Variants in ZNF213 observed in about 807,000 individuals in gnomAD.
ZNF213 encodes zinc finger protein 213.
Under a neutral mutation model 46.0 loss-of-function variants are expected in ZNF213, and 32 were observed. The ratio of observed to expected loss-of-function variants is 0.70; its 90% confidence interval spans 0.52 to 0.93. The LOEUF (loss-of-function observed/expected upper bound fraction) is 0.93. Among genes scored for constraint, ZNF213 ranks in the 40% least tolerant of loss-of-function variants. The pLI, the probability that ZNF213 is intolerant of heterozygous loss-of-function variation, is 0.00. For missense variants in ZNF213, 639 were observed against 652.8 expected (o/e 0.98, Z 0.23); for synonymous variants, 297 against 271.0 (o/e 1.10, Z -0.94).
chr16:3,141,132 G>A lies in ZNF213; in HGVS notation c.1165G>A (p.Ala389Thr). 1 of 1,612,222 alleles carries A rather than the reference G, an allele frequency of 6.2e-7. No individual in the cohort carries two copies. The highest frequency in any genetic ancestry group is 8.5e-7 in the Non-Finnish European group (1 of 1,179,474). The change falls in exon 6 of 6, where the codon GCC becomes ACC. Residue 389 changes from alanine (A) to threonine (T), a missense_variant. Physicochemically the swap from Ala to Thr is moderately conservative, Grantham distance 58. Transcript: ENST00000396878. ...GKSFSRSAYL[A>T]DHQRIHTGEK... ...GAGCTTCAGCCGCAGCGCCTACCTGGCCGACCACCAGCGCATACACACGGG... is the reference window on the plus strand; with the variant it reads ...GAGCTTCAGCCGCAGCGCCTACCTGACCGACCACCAGCGCATACACACGGG...
intron 1 of ZNF213, among the ~76,000 whole-genome samples, chr16:3,136,443 C>T (rs892398166): frequency 2.0e-5 from 3 of 152,108 alleles, no homozygotes; most frequent in Non-Finnish European, 2.9e-5. Context: ...TTAGGCCGGG[C>T]GCAGTGGCTC....
At chr16:3,137,070 A>G (rs1355500206) in intron 1 of ZNF213, 96 bp from the exon 2 acceptor site, 8 of 588,606 alleles carry the variant, frequency 1.4e-5, no homozygotes, top group Non-Finnish European at 2.3e-5. Context: ...CTTCAGGGCC[A>G]TGAAAGGATG....
Position 3,141,802 on chromosome 16 carries a change from C to G in ZNF213, c.*455C>G, listed in dbSNP as rs1957607091. 1 of 164,644 alleles carries G rather than the reference C, an allele frequency of 6.1e-6. No homozygotes were observed. The highest frequency in any genetic ancestry group is 6.3e-5 in the Admixed American group (1 of 15,992). The allele number at this position is 164,644 out of a possible 1,614,324, so 10.2% of individuals were successfully genotyped here. ...AGTGGGCGTGGAGGACTGGCCTTGG[C>G]CCCCCAGGGGGCTGCTGGACTTTGG... On this transcript the variant is annotated 3_prime_UTR_variant, in exon 6 of 6. Coordinates refer to ENST00000396878, the MANE Select transcript of ZNF213 (RefSeq NM_004220.3).
chr16:3,137,677 C>G lies in ZNF213; in HGVS notation c.397C>G (p.Gln133Glu). 6.2e-7 allele frequency: 1 copy of G among 1,613,194 alleles called. No homozygotes were observed. Among genetic ancestry groups the G allele is most frequent in the Non-Finnish European group, 8.5e-7 (1 of 1,179,762 alleles). Residue 133 changes from glutamine (Q) to glutamate (E), a missense_variant and splice_region_variant, in exon 2 of 6, where the codon CAG (glutamine) becomes GAG (glutamate). Coordinates refer to ENST00000396878, the MANE Select transcript of ZNF213 (RefSeq NM_004220.3). ...LQKQPVKAWRQDVPSEEAEPE... is the reference protein window; with the variant it reads ...LQKQPVKAWREDVPSEEAEPE... ...GAAGCAGCCAGTGAAAGCCTGGCGA[C>G]AGGTGAGGGGCCCTTCCACATCCAG...
intron 5 of ZNF213, chr16:3,139,805 G>C (rs1054554727): frequency 4.0e-5 from 6 of 151,330 alleles, no homozygotes; most frequent in African/African-American, 1.5e-4. Context: ...ATGCAGTGGT[G>C]TGATCTCAGC....
Position 3,141,187 on chromosome 16 carries a change from G to T in ZNF213, c.1220G>T (p.Gly407Val). Residue 407 changes from glycine (G) to valine (V), a missense_variant, in exon 6 of 6, where the codon GGC (glycine) becomes GTC (valine). By Grantham distance (109) the Gly-to-Val change is moderately radical. Transcript: ENST00000396878. ...AAGCCTTTCGGCTGCAGCGACTGCG[G>T]CAAGAGCTTCTCGCTGCGCTCCTAC... is the stretch of plus-strand genomic sequence containing the variant. ...GEKPFGCSDC[G>V]KSFSLRSYLL... 6.2e-7 allele frequency: 1 copy of T among 1,612,442 alleles called. No homozygotes were observed.
At chr16:3,137,746 G>T (rs1394831281) in intron 2 of ZNF213, 67 bp downstream of exon 2, 2 of 1,547,988 alleles carry the variant, frequency 1.3e-6, no homozygotes, top group Non-Finnish European at 1.7e-6. Context: ...TGGGTAACCT[G>T]CAGAGATAAG....
chr16:3,138,663 G>T (rs1425532105), intron 3 of ZNF213, 82 bp from the exon 4 acceptor site: 1 of 1,610,090 alleles, frequency 6.2e-7, no homozygotes, highest in African/African-American at 1.3e-5. Flanking sequence ...GGGCGTGTGT[G>T]CATGCGCACA....
chr16:3,138,770 G>T lies in ZNF213; in HGVS notation c.549G>T (p.Glu183Asp). The change falls in exon 4 of 6, where the codon GAG becomes GAT. Residue 183 changes from glutamate (E) to aspartate (D), a missense_variant. Glu to Asp is a conservative substitution (Grantham distance 45). Transcript: ENST00000396878. ...HSAQPPALLK[E>D]GRPGETTDTC... ...CCCAGCCTCCTGCTCTTCTTAAAGA[G>T]GGTCGTCCCGGAGAGACGACGGACA... 1 of 1,614,058 alleles carries T rather than the reference G, an allele frequency of 6.2e-7. No homozygotes were observed. Among genetic ancestry groups the T allele is most frequent in the Non-Finnish European group, 8.5e-7 (1 of 1,179,980 alleles).
rs531525413 is a variant in ZNF213 at position 3,137,397 on chromosome 16, G to A, written c.117G>A (p.Arg39=). The change falls in exon 2 of 6, where the codon AGG becomes AGA. Residue 39 remains arginine (R), a synonymous_variant. Transcript: ENST00000396878. The stretch of plus-strand genomic sequence containing the variant: ...AATCTGCCCAGCATGAGGATGGCAG[G>A]GATTCCGAAGCCTGCCGCCAGCGCT... ...EQESAQHEDG[R]DSEACRQRFR... The A allele has an allele frequency of 6.2e-7, 1 of 1,614,006 alleles. No individual in the cohort carries two copies. Among genetic ancestry groups the A allele is most frequent in the East Asian group, 2.2e-5 (1 of 44,876 alleles).
chr16:3,141,545 C>A lies in ZNF213; in HGVS notation c.*198C>A, dbSNP rs138596881. The A allele has an allele frequency of 1.6e-4, 92 of 577,084 alleles. No homozygotes were observed. The East Asian group carries it at 2.8e-3, about 18-fold the overall frequency. The allele number at this position is 577,084 out of a possible 1,614,324, so 35.7% of individuals were successfully genotyped here. A position where few individuals can be genotyped will look rare whatever the true frequency, so the allele number is the denominator to read the frequency against. On this transcript the variant is annotated 3_prime_UTR_variant, in exon 6 of 6. Transcript: ENST00000396878. ...GCTCAAAGGGAACGGAAGCCTTCCC[C>A]TCCCGCCCCCGATCTTGTCCTCTTT...
intron 5 of ZNF213, 51 bp from the exon 6 acceptor site, chr16:3,140,638 C>T (rs746849597): frequency 6.8e-7 from 1 of 1,468,006 alleles, no homozygotes; most frequent in Non-Finnish European, 9.0e-7. Context: ...CACCTCAGCT[C>T]TGGCCCCAGA....
chr16:3,139,640 C>CTGTCCAGATA (rs1555449578), intron 5 of ZNF213: 5 of 155,120 alleles, frequency 3.2e-5, no homozygotes, highest in African/African-American at 1.2e-4. Flanking sequence ...CTGTCCAGAT[C>CTGTCCAGATA]TGTGTTGAGT....
chr16:3,137,103 TG>T (rs1957547344), intron 1 of ZNF213, 62 bp from the exon 2 acceptor site: 1 of 770,682 alleles, frequency 1.3e-6, no homozygotes, highest in Non-Finnish European at 2.0e-6. Context: ...CTCTTCAGCC[TG>T]GGGTTTGCTC....
At position 3,137,082 on chromosome 16, in the gene ZNF213, G is replaced by T. The variant is rs1350403554; in HGVS notation, c.-115-84G>T. On this transcript the variant is annotated intron_variant, in intron 1 of 5. Transcript: ENST00000396878. ...AGGCTTCAGGGCCATGAAAGGATGGGGACTGGATGGCTCTTCAGCCTGGGG... is the reference window on the plus strand; with the variant it reads ...AGGCTTCAGGGCCATGAAAGGATGGTGACTGGATGGCTCTTCAGCCTGGGG... 6 of 637,752 alleles carry T rather than the reference G, an allele frequency of 9.4e-6. No homozygotes were observed. In the Admixed American group the frequency reaches 1.9e-4, roughly 21 times the overall value. The allele number at this position is 637,752 out of a possible 1,614,324, so 39.5% of individuals were successfully genotyped here.
chr16:3,137,451 T>C lies in ZNF213; in HGVS notation c.171T>C (p.His57=), dbSNP rs1026903193. Residue 57 remains histidine (H), a synonymous_variant, in exon 2 of 6, where the codon CAT becomes CAC. Transcript: ENST00000396878. ...RFRQFCYGDV[H]GPHEAFSQLW... is the part of the protein sequence containing the mutation. ...GGCAATTCTGCTACGGGGATGTGCA[T>C]GGGCCTCATGAGGCCTTCAGCCAGC... The C allele has an allele frequency of 1.2e-6, 2 of 1,613,834 alleles. No homozygotes were observed. The highest frequency in any genetic ancestry group is 1.7e-6 in the Non-Finnish European group (2 of 1,180,044).
Position 3,135,376 on chromosome 16 carries a change from T to A in ZNF213, c.-127T>A, listed in dbSNP as rs368230247. The A allele has an allele frequency of 2.0e-5, 3 of 152,464 alleles. No individual in the cohort carries two copies. In the East Asian group the frequency reaches 5.8e-4, roughly 29 times the overall value. 9.4% of individuals were successfully genotyped at this position (152,464 alleles called of 1,614,324 possible). ...CGCCTTCCCGCCTGCCGTGTCCTGC[T>A]GAGCGACCCTGGTGAGTCCTGGCCC... On this transcript the variant is annotated 5_prime_UTR_variant, in exon 1 of 6. Coordinates refer to ENST00000396878, the MANE Select transcript of ZNF213 (RefSeq NM_004220.3).
chr16:3,141,026 C>T lies in ZNF213; in HGVS notation c.1059C>T (p.Ser353=). Residue 353 remains serine (S), a synonymous_variant, in exon 6 of 6, where the codon AGC becomes AGT. Coordinates refer to ENST00000396878, the MANE Select transcript of ZNF213 (RefSeq NM_004220.3). ...ACAAGTGCCCTGAGTGCGACAAGAG[C>T]TTCCGCAGCTCCTCGGACCTGGTGC... The part of the protein sequence containing the change: ...KPHKCPECDK[S]FRSSSDLVRH... 4 of 1,612,850 alleles carry T rather than the reference C, an allele frequency of 2.5e-6. No individual in the cohort carries two copies. The highest frequency in any genetic ancestry group is 2.5e-6 in the Non-Finnish European group (3 of 1,179,748).
Position 3,141,052 on chromosome 16 carries a change from G to A in ZNF213, c.1085G>A (p.Arg362His), listed in dbSNP as rs1490881462. Residue 362 changes from arginine to histidine, a missense_variant, in exon 6 of 6, where the codon CGC becomes CAC. By Grantham distance (29) the Arg-to-His change is conservative (BLOSUM62 0). Coordinates refer to ENST00000396878, the MANE Select transcript of ZNF213 (RefSeq NM_004220.3). Reference sequence around the variant, plus strand: ...TTCCGCAGCTCCTCGGACCTGGTGCGCCACCAAGGCGTGCACACGGGCGAG... The same window carrying A: ...TTCCGCAGCTCCTCGGACCTGGTGCACCACCAAGGCGTGCACACGGGCGAG... Reference protein sequence around the residue: ...KSFRSSSDLVRHQGVHTGEKP... With the variant: ...KSFRSSSDLVHHQGVHTGEKP... The A allele has an allele frequency of 5.0e-6, 8 of 1,612,706 alleles. No homozygotes were observed. Among genetic ancestry groups the A allele is most frequent in the African/African-American group, 2.7e-5 (2 of 74,782 alleles).
Sources: gnomAD v4.1 joint callset for allele counts (sites outside exome capture counted in the v4.1 genomes callset) on GRCh38, gnomAD v4.1.1 for gene constraint, MANE v1.5 for transcripts, NCBI Gene and HGNC (gene_info 2026-07-23, HGNC 2026-07-21) for gene names.